The following ARID3A variants were observed in gnomAD, a reference collection of about 807,000 sequenced individuals.
ARID3A encodes the protein AT-rich interactive domain-containing protein 3A.
A neutral mutation model predicts 52.7 loss-of-function variants in ARID3A; 11 were observed. The ratio of observed to expected loss-of-function variants is 0.21; its 90% CI spans 0.13 to 0.35. The LOEUF (loss-of-function observed/expected upper bound fraction) is 0.35. Among genes scored for constraint, ARID3A ranks in the 10% least tolerant of loss-of-function variants. ARID3A has a pLI of 1.00. For synonymous variants in ARID3A, 404 were observed against 359.4 expected (o/e 1.12, Z -1.40); for missense variants, 721 against 838.5 (o/e 0.86, Z 1.73).
intron 8 of ARID3A, among the ~76,000 whole-genome samples, chr19:970,039 G>A (rs2038244772): frequency 6.6e-6 from 1 of 152,010 alleles, no homozygotes; most frequent in Non-Finnish European, 1.5e-5. Flanking sequence ...AAGTTGCCGG[G>A]CACAGTAGGT....
At chr19:927,974 G>A (rs2037236254) in intron 1 of ARID3A, among the ~76,000 whole-genome samples, 1 of 152,154 alleles carries the variant, frequency 6.6e-6, no homozygotes, top group Non-Finnish European at 1.5e-5. Flanking sequence ...AGGGGCCACA[G>A]GACTCTCTTG....
At chr19:945,700 G>A (rs758937128) in intron 3 of ARID3A, among the ~76,000 whole-genome samples, 3 of 152,224 alleles carry the variant, frequency 2.0e-5, no homozygotes, top group South Asian at 4.1e-4. Flanking sequence ...TCCTGCAGCC[G>A]TCTTTGGGCC....
chr19:947,482 C>G lies in ARID3A; in HGVS notation c.694-12610C>G, dbSNP rs112130933. Among the ~76,000 whole-genome samples the G allele has an allele frequency of 1.1e-4, 17 of 152,244 alleles. No homozygotes were observed. The highest frequency in any genetic ancestry group is 5.2e-4 in the Admixed American group (8 of 15,290). ...CCCAACTGTGAAACGGGCTGGCGGC[C>G]GGTCAGCGTCTCCTCCCTGAGCAAG... On this transcript the variant is annotated intron_variant, in intron 3 of 8. Transcript: ENST00000263620. The surrounding 1 kb of genome is among the most constrained non-coding windows in gnomAD (Gnocchi z 6.3).
At chr19:971,766 G>A in intron 8 of ARID3A, 112 bp from the exon 9 acceptor site, 1 of 1,355,522 alleles carries the variant, frequency 7.4e-7, no homozygotes, top group Non-Finnish European at 9.8e-7. Context: ...TAGCCTGGGG[G>A]ACAGAGTGAG....
chr19:953,253 G>C (rs2037839420), intron 3 of ARID3A, among the ~76,000 whole-genome samples: 1 of 152,144 alleles, frequency 6.6e-6, no homozygotes, highest in South Asian at 2.1e-4. Flanking sequence ...CGTTTCTCTG[G>C]GAGGTGGGGT....
chr19:962,178 C>T (rs1232056391), intron 4 of ARID3A, among the ~76,000 whole-genome samples: 1 of 152,172 alleles, frequency 6.6e-6, no homozygotes, highest in Non-Finnish European at 1.5e-5. Flanking sequence ...TGAACCTGCC[C>T]ATCACCCTAG....
chr19:938,856 CT>C lies in ARID3A; in HGVS notation c.693+6121del, dbSNP rs895306639. Among the ~76,000 whole-genome samples, 1 of 151,456 alleles carries C rather than the reference CT, an allele frequency of 6.6e-6. No individual in the cohort carries two copies. The highest frequency in any genetic ancestry group is 1.5e-5 in the Non-Finnish European group (1 of 67,886). ...AAGAAACGGGCATCCGGTTTTTGGTCTTTTTTTGGTCTTTTCAGCTCATTTG... is the reference window on the plus strand; with the variant it reads ...AAGAAACGGGCATCCGGTTTTTGGTCTTTTTTGGTCTTTTCAGCTCATTTG... On this transcript the variant is annotated intron_variant, in intron 3 of 8. Coordinates refer to ENST00000263620, the MANE Select transcript of ARID3A (RefSeq NM_005224.3). This position sits in a 1 kb window ranked among gnomAD's most constrained non-coding sequence, Gnocchi z 4.0.
chr19:939,272 C>T (rs1435678624), intron 3 of ARID3A, among the ~76,000 whole-genome samples: 2 of 152,098 alleles, frequency 1.3e-5, no homozygotes, highest in Non-Finnish European at 2.9e-5. Flanking sequence ...GCGCCCACCA[C>T]CACACCCAGC....
At chr19:957,205 T>C (rs1173508154) in intron 3 of ARID3A, among the ~76,000 whole-genome samples, 8 of 151,956 alleles carry the variant, frequency 5.3e-5, no homozygotes, top group Admixed American at 5.2e-4. Context: ...GGTGATCTTC[T>C]TCCTCCCCAG....
Position 929,363 on chromosome 19 carries a change from G to GCGCCC in ARID3A, c.-165_-164insGCCCC. On this transcript the variant is annotated 5_prime_UTR_variant, in exon 2 of 9. Transcript: ENST00000263620. This position sits in a 1 kb window ranked among gnomAD's most constrained non-coding sequence, Gnocchi z 6.2. Reference sequence around the variant, plus strand: ...ATCAGCCTTCAGCTTGAGCCCGGCGGCCCCCGCCCCCGCCCCCTGCCACCC... The same window carrying GCGCCC: ...ATCAGCCTTCAGCTTGAGCCCGGCGGCGCCCCCCCCGCCCCCGCCCCCTGCCACCC... 3 of 259,262 alleles carry GCGCCC rather than the reference G, an allele frequency of 1.2e-5. No homozygotes were observed. Among genetic ancestry groups the GCGCCC allele is most frequent in the Non-Finnish European group, 2.0e-5 (3 of 151,228 alleles). 16.1% of individuals were successfully genotyped at this position (259,262 alleles called of 1,614,324 possible). A position where few individuals can be genotyped will look rare whatever the true frequency, so the allele number is the denominator to read the frequency against.
rs1242994523 is a variant in ARID3A, at chr19:929,610, C to T, written c.82C>T (p.Pro28Ser). The T allele has an allele frequency of 4.6e-6, 7 of 1,523,704 alleles. No individual in the cohort carries two copies. In the African/African-American group the frequency reaches 8.4e-5, roughly 18 times the overall value. 94.4% of individuals were successfully genotyped at this position (1,523,704 alleles called of 1,614,324 possible). A position where few individuals can be genotyped will look rare whatever the true frequency, so the allele number is the denominator to read the frequency against. ...GGAGCTGGAGGCCCGGCAGCAGCTG[C>T]CCCCCGATCCCCCTGCTGCACCCCC... ...RQELEARQQL[P>S]PDPPAAPPGR... The change falls in exon 2 of 9, where the codon CCC (proline) becomes TCC (serine). Residue 28 changes from proline to serine, a missense_variant. By Grantham distance (74) the Pro-to-Ser change is moderately conservative (BLOSUM62 -1). Transcript: ENST00000263620. The surrounding 1 kb of genome is among the most constrained non-coding windows in gnomAD (Gnocchi z 6.2).
intron 3 of ARID3A, among the ~76,000 whole-genome samples, chr19:951,237 G>C (rs1599407487): frequency 6.6e-6 from 1 of 151,788 alleles, no homozygotes; most frequent in East Asian, 2.0e-4. Flanking sequence ...GATTACAGGC[G>C]TGAGCCACCA....
Position 971,955 on chromosome 19 carries a change from A to G in ARID3A, c.1672A>G (p.Ser558Gly), listed in dbSNP as rs758051704. ...AGGAGGCGGCGGCGGCGGCGGCAGC[A>G]GCAGCAACGCAGGCGGCCGGGGAGG... ...NKGGGGGGGS[S>G]SNAGGRGGNT... Residue 558 changes from serine (S) to glycine (G), a missense_variant, in exon 9 of 9, where the codon AGC (serine) becomes GGC (glycine). Around this residue, in one of 5 missense-constraint regions of ARID3A, gnomAD observed 297 missense variants for 343.2 expected, o/e 0.87. Coordinates refer to ENST00000263620, the MANE Select transcript of ARID3A (RefSeq NM_005224.3). 1.3e-6 allele frequency: 2 copies of G among 1,599,768 alleles called. No individual in the cohort carries two copies. The highest frequency in any genetic ancestry group is 2.3e-5 in the East Asian group (1 of 43,250).
At position 966,701 on chromosome 19, in the gene ARID3A, C is replaced by T. The variant is rs1290357880; in HGVS notation, c.1328C>T (p.Ala443Val). 1 of 1,611,826 alleles carries T rather than the reference C, an allele frequency of 6.2e-7. No individual in the cohort carries two copies. Reference protein sequence around the residue: ...AAAQAAVAAQAAALEQLREKL... With the variant: ...AAAQAAVAAQVAALEQLREKL... ...GCCCAAGCAGCTGTGGCCGCACAGG[C>T]AGCTGCCCTGGAACAGCTGCGGGAG... The change falls in exon 7 of 9, where the codon GCA (alanine) becomes GTA (valine). Residue 443 changes from alanine to valine, a missense_variant. Transcript: ENST00000263620.
At chr19:933,668 C>A (rs1429220596) in intron 3 of ARID3A, among the ~76,000 whole-genome samples, 1 of 152,088 alleles carries the variant, frequency 6.6e-6, no homozygotes, top group African/African-American at 2.4e-5. Flanking sequence ...GCACAGACAC[C>A]CAGGGGGGCC....
chr19:945,953 G>A (rs1224672234), intron 3 of ARID3A, among the ~76,000 whole-genome samples: 1 of 152,206 alleles, frequency 6.6e-6, no homozygotes, highest in East Asian at 1.9e-4. Flanking sequence ...CCCGTCTGCA[G>A]GGAACCCCAG....
chr19:957,387 C>T (rs890437385), intron 3 of ARID3A, among the ~76,000 whole-genome samples: 4 of 152,346 alleles, frequency 2.6e-5, no homozygotes, highest in South Asian at 2.1e-4. Context: ...CCGCACTCGC[C>T]GCTGTGTCTC....
In ARID3A at chr19:938,168, T is replaced by G. The variant is rs1599390227; in HGVS notation, c.693+5426T>G. 6.6e-6 allele frequency among the ~76,000 whole-genome samples: 1 copy of G among 152,106 alleles called. No homozygotes were observed. The highest frequency in any genetic ancestry group is 1.5e-5 in the Non-Finnish European group (1 of 68,012). On this transcript the variant is annotated intron_variant, in intron 3 of 8. Coordinates refer to ENST00000263620, the MANE Select transcript of ARID3A (RefSeq NM_005224.3). The surrounding 1 kb of genome is among the most constrained non-coding windows in gnomAD (Gnocchi z 4.0). ...CTGTTGTCGACTTTTGATCCTAGCCTCCTTGTGGGGGTGGCGTGGTTTCTC... is the reference window on the plus strand; with the variant it reads ...CTGTTGTCGACTTTTGATCCTAGCCGCCTTGTGGGGGTGGCGTGGTTTCTC...
chr19:928,800 G>T (rs1453261314), intron 1 of ARID3A: 1 of 152,202 alleles, frequency 6.6e-6, no homozygotes, highest in Non-Finnish European at 1.5e-5. Flanking sequence ...TGGGGGGAGG[G>T]TTAGCCCAGG....
Sources: allele counts gnomAD v4.1 joint callset (sites outside exome capture counted in the v4.1 genomes callset), GRCh38; gene constraint gnomAD v4.1.1; regional missense constraint gnomAD v4.1.1; non-coding constraint Gnocchi (gnomAD v3.1); transcripts MANE v1.5; gene names NCBI Gene and HGNC (gene_info 2026-07-23, HGNC 2026-07-21).